Variants in ABTB3 observed in about 807,000 individuals in gnomAD.
ABTB3 encodes ankyrin repeat and BTB domain containing 3.
the ABTB3 span, among the ~76,000 whole-genome samples, chr12:107,379,471 G>A: frequency 4.6e-5 from 7 of 152,096 alleles, no homozygotes; most frequent in East Asian, 1.9e-4. Context: ...CTTGCCTGCC[G>A]CCGTGTAAGA....
chr12:107,612,754 G>A, the ABTB3 span: 34 of 1,594,906 alleles, frequency 2.1e-5, no homozygotes, highest in African/African-American at 1.9e-4. Context: ...AACGTTTTCC[G>A]TTCTCTGGTT....
At chr12:107,389,486 G>A in the ABTB3 span, among the ~76,000 whole-genome samples, 1 of 152,160 alleles carries the variant, frequency 6.6e-6, no homozygotes, top group African/African-American at 2.4e-5. Context: ...CTTCCCCACA[G>A]TGACATTCTG....
At chr12:107,494,554 A>C in the ABTB3 span, among the ~76,000 whole-genome samples, 1 of 152,112 alleles carries the variant, frequency 6.6e-6, no homozygotes, top group East Asian at 1.9e-4. Context: ...CAGAGATAAG[A>C]CTTAGCCTCA....
the ABTB3 span, among the ~76,000 whole-genome samples, chr12:107,478,189 T>C: frequency 6.6e-6 from 1 of 152,236 alleles, no homozygotes; most frequent in East Asian, 1.9e-4. Context: ...TCAGTCCATT[T>C]AGCACAGGGA....
the ABTB3 span, among the ~76,000 whole-genome samples, chr12:107,382,252 G>A: frequency 5.3e-5 from 8 of 152,154 alleles, no homozygotes; most frequent in Non-Finnish European, 1.0e-4. Flanking sequence ...GCAAGGATAA[G>A]TGTGTTTGCC....
chr12:107,320,534 C>G, the ABTB3 span: 3 of 314,636 alleles, frequency 9.5e-6, no homozygotes, highest in Non-Finnish European at 1.8e-5. Flanking sequence ...GCTCCCACTT[C>G]CCCACTCCCT....
chr12:107,654,903 A>C, the ABTB3 span, among the ~76,000 whole-genome samples: 1 of 149,954 alleles, frequency 6.7e-6, no homozygotes, highest in Non-Finnish European at 1.5e-5. Flanking sequence ...CTGGTTTCTC[A>C]GGACACAAGC....
At chr12:107,376,908 G>T in the ABTB3 span, among the ~76,000 whole-genome samples, 4 of 152,138 alleles carry the variant, frequency 2.6e-5, no homozygotes, top group African/African-American at 7.2e-5. Flanking sequence ...CTCCATTTGA[G>T]CCCAGGCCCG....
chr12:107,413,065 G>T, the ABTB3 span, among the ~76,000 whole-genome samples: 1 of 152,110 alleles, frequency 6.6e-6, no homozygotes, highest in Non-Finnish European at 1.5e-5. Context: ...ACAAGGTCAG[G>T]AGATCGAGAC....
the ABTB3 span, among the ~76,000 whole-genome samples, chr12:107,491,144 G>C: frequency 6.6e-6 from 1 of 152,252 alleles, no homozygotes; most frequent in East Asian, 1.9e-4. Context: ...ACAGAGACCA[G>C]CTCTCCAAGA....
the ABTB3 span, among the ~76,000 whole-genome samples, chr12:107,512,476 G>A: frequency 1.3e-5 from 2 of 152,170 alleles, no homozygotes; most frequent in Non-Finnish European, 1.5e-5. Context: ...CAGCACCCAC[G>A]AAGTTTGTAT....
chr12:107,452,030 A>G, the ABTB3 span, among the ~76,000 whole-genome samples: 1 of 152,196 alleles, frequency 6.6e-6, no homozygotes, highest in South Asian at 2.1e-4. Flanking sequence ...AGACTGGACC[A>G]TGATTGTTGA....
chr12:107,447,141 CT>C, the ABTB3 span, among the ~76,000 whole-genome samples: 1 of 151,440 alleles, frequency 6.6e-6, no homozygotes, highest in Admixed American at 6.6e-5. Flanking sequence ...ATGAGGTTGA[CT>C]TTTTTTTTCT....
the ABTB3 span, among the ~76,000 whole-genome samples, chr12:107,388,060 C>T: frequency 6.7e-6 from 1 of 149,896 alleles, no homozygotes; most frequent in Middle Eastern, 3.5e-3. Flanking sequence ...GCAACCTCTG[C>T]CTCTCAGGTT....
the ABTB3 span, among the ~76,000 whole-genome samples, chr12:107,465,900 C>T: frequency 6.6e-6 from 1 of 152,124 alleles, no homozygotes; most frequent in Non-Finnish European, 1.5e-5. Context: ...TACTGCCTCT[C>T]GGGAGTAGTC....
the ABTB3 span, among the ~76,000 whole-genome samples, chr12:107,389,896 G>A: frequency 0.14 from 20,668 of 150,282 alleles, 1,855 homozygotes; most frequent in African/African-American, 0.24. Context: ...GTATCTGTCT[G>A]TTCTCCTTCC....
At chr12:107,506,168 C>T in the ABTB3 span, among the ~76,000 whole-genome samples, 1 of 152,090 alleles carries the variant, frequency 6.6e-6, no homozygotes, top group East Asian at 1.9e-4. Context: ...ATGCATTCTG[C>T]AACCCAAAGT....
the ABTB3 span, among the ~76,000 whole-genome samples, chr12:107,539,331 T>G: frequency 6.6e-6 from 1 of 152,180 alleles, no homozygotes; most frequent in Non-Finnish European, 1.5e-5. Context: ...TTTCACTGAT[T>G]GGGAGCTCTT....
the ABTB3 span, among the ~76,000 whole-genome samples, chr12:107,345,119 G>A: frequency 6.6e-6 from 1 of 152,176 alleles, no homozygotes; most frequent in African/African-American, 2.4e-5. Context: ...CCTGGAAGGA[G>A]AGCCCCTTTT....
Sources: gnomAD v4.1 joint callset for allele counts (sites outside exome capture counted in the v4.1 genomes callset) on GRCh38, gnomAD v4.1.1 for gene constraint, MANE v1.5 for transcripts, NCBI Gene and HGNC (gene_info 2026-07-23, HGNC 2026-07-21) for gene names.